Variants in PAX6 observed in about 807,000 individuals in gnomAD.
The protein encoded by PAX6 is paired box 6.
Under a neutral mutation model 60.7 loss-of-function variants are expected in PAX6, and 7 were observed. The ratio of observed to expected loss-of-function variants is 0.12; its 90% CI spans 0.07 to 0.22. The LOEUF (loss-of-function observed/expected upper bound fraction) is 0.22, where lower values mean the gene tolerates loss of function less well. PAX6 is among the 10% of genes least tolerant of loss of function. PAX6 has a pLI of 1.00. For missense variants in PAX6, 355 were observed against 555.2 expected, an observed-to-expected ratio of 0.64 and a Z score of 3.62; for synonymous variants, 208 against 201.2, an observed-to-expected ratio of 1.03 and a Z score of -0.29.
At chr11:31,796,112 T>C (rs1034811371) in intron 8 of PAX6, among the ~76,000 whole-genome samples, 2 of 152,228 alleles carry the variant, frequency 1.3e-5, no homozygotes, top group Non-Finnish European at 2.9e-5. Flanking sequence ...CTCCCCCATT[T>C]AAACAGGCGG....
chr11:31,793,825 T>A, intron 10 of PAX6, 23 bp from the exon 11 acceptor site: 1 of 1,614,074 alleles, frequency 6.2e-7, no homozygotes. Context: ...TGGGACAGGT[T>A]AGCACTGTGT....
Position 31,789,652 on chromosome 11 carries a change from A to G in PAX6, c.*282T>C. ...AGTCTACATTGTTCTTTTTTTCATTATAACATACAAATGCCCATTTACAAA... is the reference window on the plus strand; with the variant it reads ...AGTCTACATTGTTCTTTTTTTCATTGTAACATACAAATGCCCATTTACAAA... On this transcript the variant is annotated 3_prime_UTR_variant, in exon 14 of 14. Coordinates refer to ENST00000640368, the MANE Select transcript of PAX6 (RefSeq NM_001368894.2). The G allele has an allele frequency of 1.4e-6, 1 of 699,722 alleles. No individual in the cohort carries two copies. The highest frequency in any genetic ancestry group is 1.5e-5 in the South Asian group (1 of 67,032). The allele number at this position is 699,722 out of a possible 1,614,324, so 43.3% of individuals were successfully genotyped here.
chr11:31,800,655 TATGGAGAGCTGCGTGG>T lies in PAX6; in HGVS notation c.565+20_565+35del, dbSNP rs1327953648. ...TAGGGGACAGGCAAAGGGATGCACA[TATGGAGAGCTGCGTGG>T]ATGGCTGCTTGGGTTTTACCTTGCG... On this transcript the variant is annotated intron_variant, in intron 8 of 13. Transcript: ENST00000640368. 1.2e-6 allele frequency: 2 copies of T among 1,612,142 alleles called. No homozygotes were observed. Among genetic ancestry groups the T allele is most frequent in the African/African-American group, 2.7e-5 (2 of 74,872 alleles).
chr11:31,815,152 C>G (rs1286479693), upstream of PAX6, among the ~76,000 whole-genome samples: 1 of 152,188 alleles, frequency 6.6e-6, no homozygotes, highest in Non-Finnish European at 1.5e-5. Context: ...GCTTTGCCTC[C>G]CAGTCCCTCC....
At chr11:31,799,436 A>G (rs1241928145) in intron 8 of PAX6, among the ~76,000 whole-genome samples, 2 of 152,114 alleles carry the variant, frequency 1.3e-5, no homozygotes, top group African/African-American at 4.8e-5. Context: ...TAAAACTGAC[A>G]TGTCTAATTG....
At chr11:31,797,129 G>A (rs929102266) in intron 8 of PAX6, among the ~76,000 whole-genome samples, 2 of 151,862 alleles carry the variant, frequency 1.3e-5, no homozygotes, top group African/African-American at 4.9e-5. Flanking sequence ...AAAAATCTGT[G>A]CACATCTGGT....
intron 10 of PAX6, 36 bp from the exon 11 acceptor site, chr11:31,793,838 A>G: frequency 6.2e-7 from 1 of 1,613,868 alleles, no homozygotes. Flanking sequence ...CACTGTGTCT[A>G]CGTCGAGCCC....
At chr11:31,816,651 G>T (rs1192100578) in intron 1 of PAX6, 2 of 701,852 alleles carry the variant, frequency 2.8e-6, no homozygotes, top group African/African-American at 1.7e-5. Context: ...TAAGGCGTGC[G>T]GCCGGACTGC....
Position 31,793,463 on chromosome 11 carries a change from G to A in PAX6, c.1049C>T (p.Thr350Ile), listed in dbSNP as rs928582116. The change falls in exon 12 of 14, where the codon ACC becomes ATC. Residue 350 changes from threonine (T) to isoleucine (I), a missense_variant. By Grantham distance (89) the Thr-to-Ile change is moderately conservative. This residue lies in a region of PAX6 where 149 missense variants were observed against 191.9 expected (regional missense o/e 0.78). Transcript: ENST00000640368. ...YSALPPMPSF[T>I]MANNLPMQPP... ...TTGCATAGGCAGGTTATTTGCCATG[G>A]TGAAGCTGGGCATAGGCGGCAGAGC... is the stretch of plus-strand genomic sequence containing the variant. The A allele has an allele frequency of 6.2e-7, 1 of 1,614,238 alleles. No individual in the cohort carries two copies. Among genetic ancestry groups the A allele is most frequent in the South Asian group, 1.1e-5 (1 of 91,082 alleles).
At chr11:31,807,321 T>A (rs1368940704) in intron 2 of PAX6, 1 of 152,602 alleles carries the variant, frequency 6.6e-6, no homozygotes, top group Non-Finnish European at 1.5e-5. Flanking sequence ...AAGGGAACCT[T>A]GGAACTTCCT....
At chr11:31,813,396 G>GC (rs1206141363), upstream of PAX6, among the ~76,000 whole-genome samples, 2 of 104,952 alleles carry the variant, frequency 1.9e-5, no homozygotes, top group Non-Finnish European at 3.8e-5. Context: ...GGGCGGGGGG[G>GC]GGGGAAGTGA....
At chr11:31,803,056 T>G (rs1244844579) in intron 4 of PAX6, 1 of 600,522 alleles carries the variant, frequency 1.7e-6, no homozygotes, top group Non-Finnish European at 3.0e-6. Flanking sequence ...CTGCTATCGA[T>G]CAAATAAAGG....
intron 9 of PAX6, 61 bp from the exon 10 acceptor site, chr11:31,794,175 C>T (rs767318267): frequency 3.5e-6 from 4 of 1,136,536 alleles, no homozygotes; most frequent in Non-Finnish European, 5.4e-6. Context: ...GTTGACCAAA[C>T]TGTGCATCAA....
intron 4 of PAX6, chr11:31,806,165 C>T (rs1247946092): frequency 3.3e-5 from 16 of 491,626 alleles, no homozygotes; most frequent in Non-Finnish European, 4.6e-5. Flanking sequence ...TTCGAAAACT[C>T]GGGCGGGCTG....
chr11:31,812,007 C>T (rs1461117352), upstream of PAX6: 1 of 152,618 alleles, frequency 6.6e-6, no homozygotes, highest in Admixed American at 6.5e-5. Context: ...CCTTTCTTCT[C>T]TCCTTTCTCC....
chr11:31,808,079 T>C (rs548849954), intron 2 of PAX6: 28 of 152,214 alleles, frequency 1.8e-4, no homozygotes, highest in African/African-American at 6.3e-4. Context: ...AAAGAGCCCA[T>C]TCAAGAGGTC....
chr11:31,814,507 GC>G (rs1271342439), upstream of PAX6: 2 of 152,232 alleles, frequency 1.3e-5, no homozygotes, highest in African/African-American at 4.8e-5. Flanking sequence ...CCCCGGTCAA[GC>G]AGAGGCGCAG....
Position 31,789,960 on chromosome 11 carries a change from A to C in PAX6, c.1285T>G (p.Ser429Ala). The C allele has an allele frequency of 6.3e-7, 1 of 1,584,908 alleles. No individual in the cohort carries two copies. The highest frequency in any genetic ancestry group is 1.1e-5 in the South Asian group (1 of 89,182). ...VQVPGSEPDM[S>A]QYWPRLQ ...TACTGTAATCTTGGCCAGTATTGAG[A>C]CATATCAGGTTCACTTCCGGGAACT... Residue 429 changes from serine to alanine, a missense_variant, in exon 14 of 14, where the codon TCT (serine) becomes GCT (alanine). Transcript: ENST00000640368.
rs1800427 is a variant in PAX6, at chr11:31,800,794, G to A, written c.462C>T (p.Asp154=). 101 of 1,614,056 alleles carry A rather than the reference G, an allele frequency of 6.3e-5. No individual in the cohort carries two copies. Among genetic ancestry groups the A allele is most frequent in the South Asian group, 2.2e-4 (20 of 91,092 alleles). Residue 154 remains aspartate, a synonymous_variant, in exon 8 of 14, where the codon GAC becomes GAT. Transcript: ENST00000640368. ...LASEKQQMGA[D]GMYDKLRMLN... is the part of the protein sequence containing the mutation. Reference sequence around the variant, plus strand: ...ACATCCTTAGTTTATCATACATGCCGTCTGCGCCCATCTGTTGCTTTTCGC... The same window carrying A: ...ACATCCTTAGTTTATCATACATGCCATCTGCGCCCATCTGTTGCTTTTCGC...
Sources: gnomAD v4.1 joint callset for allele counts (sites outside exome capture counted in the v4.1 genomes callset) on GRCh38, gnomAD v4.1.1 for gene constraint, gnomAD v4.1.1 regional missense constraint, MANE v1.5 for transcripts, NCBI Gene and HGNC (gene_info 2026-07-23, HGNC 2026-07-21) for gene names.